The following SLC25A26 variants were observed in gnomAD, a reference collection of about 807,000 sequenced individuals.
SLC25A26 encodes solute carrier family 25 member 26, also known as mitochondrial S-adenosylmethionine carrier protein.
A neutral mutation model predicts 37.8 loss-of-function variants in SLC25A26; 36 were observed. The ratio of observed to expected loss-of-function variants is 0.95; its 90% CI spans 0.73 to 1.26. The LOEUF is 1.26. Among genes scored for constraint, SLC25A26 ranks in the 50% most tolerant of loss-of-function variants. SLC25A26 has a pLI of 0.00. For synonymous variants in SLC25A26, 129 were observed against 122.5 expected, an observed-to-expected ratio of 1.05 and a Z score of -0.35; for missense variants, 390 against 331.1, an observed-to-expected ratio of 1.18 and a Z score of -1.38.
At chr3:66,171,047 C>T (rs1358270173) in intron 1 of SLC25A26, among the ~76,000 whole-genome samples, 1 of 151,738 alleles carries the variant, frequency 6.6e-6, no homozygotes, top group East Asian at 1.9e-4. Flanking sequence ...TCGTGATCCG[C>T]CCGCCTCGGC....
At chr3:66,233,429 A>G (rs1389202706) in intron 1 of SLC25A26, among the ~76,000 whole-genome samples, 1 of 151,540 alleles carries the variant, frequency 6.6e-6, no homozygotes, top group Non-Finnish European at 1.5e-5. Flanking sequence ...TTTTCGGTAT[A>G]AGCTACCATA....
intron 5 of SLC25A26, among the ~76,000 whole-genome samples, chr3:66,299,862 A>G (rs2075021270): frequency 6.6e-6 from 1 of 152,104 alleles, no homozygotes; most frequent in Non-Finnish European, 1.5e-5. Flanking sequence ...TTTTCAGGGG[A>G]TGGTATCATA....
intron 5 of SLC25A26, among the ~76,000 whole-genome samples, chr3:66,325,619 T>G (rs2075817813): frequency 6.6e-6 from 1 of 152,040 alleles, no homozygotes; most frequent in East Asian, 1.9e-4. Context: ...GAATAGTAAG[T>G]AACTAGGTGA....
At chr3:66,278,671 A>G (rs2074237373) in intron 5 of SLC25A26, among the ~76,000 whole-genome samples, 1 of 152,108 alleles carries the variant, frequency 6.6e-6, no homozygotes, top group South Asian at 2.1e-4. Flanking sequence ...AGAAACTTTA[A>G]GTTATATATT....
intron 3 of SLC25A26, among the ~76,000 whole-genome samples, chr3:66,245,549 A>G (rs757870166): frequency 2.0e-5 from 3 of 152,054 alleles, no homozygotes; most frequent in Admixed American, 6.6e-5. Context: ...CTTTGTAATT[A>G]GAAAAGTAAT....
chr3:66,322,011 C>T (rs2107645613), intron 5 of SLC25A26, among the ~76,000 whole-genome samples: 1 of 152,204 alleles, frequency 6.6e-6, no homozygotes, highest in South Asian at 2.1e-4. Flanking sequence ...GCCCCCATGA[C>T]CCAAGTACCT....
chr3:66,248,386 A>G (rs1410741799), intron 3 of SLC25A26, among the ~76,000 whole-genome samples: 1 of 152,192 alleles, frequency 6.6e-6, no homozygotes, highest in Non-Finnish European at 1.5e-5. Context: ...TTTCCAGCTC[A>G]GTTTTCATCA....
At chr3:66,248,437 G>A (rs182780154) in intron 3 of SLC25A26, among the ~76,000 whole-genome samples, 1 of 152,282 alleles carries the variant, frequency 6.6e-6, no homozygotes, top group Admixed American at 6.5e-5. Flanking sequence ...TCTGTAATTA[G>A]ATCAAAGGTT....
At chr3:66,293,767 A>G (rs2074798898) in intron 5 of SLC25A26, among the ~76,000 whole-genome samples, 1 of 152,066 alleles carries the variant, frequency 6.6e-6, no homozygotes, top group African/African-American at 2.4e-5. Context: ...TATGTACCAC[A>G]TTTCCTTTAT....
intron 1 of SLC25A26, among the ~76,000 whole-genome samples, chr3:66,158,745 G>A (rs1299195366): frequency 3.9e-5 from 6 of 152,118 alleles, no homozygotes. Flanking sequence ...TTTGTAGAGG[G>A]GCAGAGGGAA....
intron 1 of SLC25A26, among the ~76,000 whole-genome samples, chr3:66,155,072 C>T (rs2070262956): frequency 6.6e-6 from 1 of 152,224 alleles, no homozygotes; most frequent in African/African-American, 2.4e-5. Flanking sequence ...TATGTCTCTT[C>T]TTGTCTTTAT....
intron 5 of SLC25A26, among the ~76,000 whole-genome samples, chr3:66,327,687 A>G (rs940554644): frequency 2.0e-5 from 3 of 152,000 alleles, no homozygotes; most frequent in Admixed American, 2.0e-4. Context: ...GGGTTGGATC[A>G]TTTGTTTTAA....
intron 5 of SLC25A26, among the ~76,000 whole-genome samples, chr3:66,317,787 T>C (rs560331636): frequency 1.4e-4 from 21 of 152,318 alleles, no homozygotes; most frequent in African/African-American, 5.1e-4. Flanking sequence ...ATCAGAGTTC[T>C]GTCCATAAAC....
intron 1 of SLC25A26, among the ~76,000 whole-genome samples, chr3:66,190,675 C>A (rs960780208): frequency 6.6e-6 from 1 of 152,110 alleles, no homozygotes; most frequent in African/African-American, 2.4e-5. Context: ...GTGATTGACC[C>A]GCCTCAGCCT....
rs890311002 is a variant in SLC25A26 at position 66,211,407 on chromosome 3, C to T, written c.-353-9335C>T. On this transcript the variant is annotated intron_variant, in intron 1 of 10. Coordinates refer to the SLC25A26 transcript ENST00000676754. ...AATGGCAAACAGCCTGAAAGTGGCA[C>T]GTAATCGTGAGGGAGCCGGTGAATG... Among the ~76,000 whole-genome samples the T allele has an allele frequency of 5.7e-3, 868 of 152,278 alleles. 15 individuals carry two copies. Among genetic ancestry groups the T allele is most frequent in the African/African-American group, 0.015 (618 of 41,564 alleles).
At chr3:66,245,262 AAAAAAC>A (rs1289149539) in intron 3 of SLC25A26, among the ~76,000 whole-genome samples, 3 of 151,762 alleles carry the variant, frequency 2.0e-5, no homozygotes, top group East Asian at 1.9e-4. Flanking sequence ...AAAAAAAAAA[AAAAAAC>A]AAAACCTCAA....
At chr3:66,171,005 G>A (rs369290631) in intron 1 of SLC25A26, among the ~76,000 whole-genome samples, 38 of 151,072 alleles carry the variant, frequency 2.5e-4, no homozygotes, top group African/African-American at 8.0e-4. Context: ...GGGTTTCACC[G>A]TTTTAGCCGG....
At chr3:66,291,908 C>T (rs2107512534) in intron 5 of SLC25A26, among the ~76,000 whole-genome samples, 1 of 152,304 alleles carries the variant, frequency 6.6e-6, no homozygotes, top group African/African-American at 2.4e-5. Context: ...GTGTTAAAGT[C>T]TCCCACTGTT....
intron 1 of SLC25A26, among the ~76,000 whole-genome samples, chr3:66,199,546 A>G (rs1486618054): frequency 1.3e-5 from 2 of 152,044 alleles, no homozygotes; most frequent in Non-Finnish European, 2.9e-5. Flanking sequence ...GGCACTGACA[A>G]CTATACTAAA....
Sources: allele counts gnomAD v4.1 joint callset (sites outside exome capture counted in the v4.1 genomes callset), GRCh38; gene constraint gnomAD v4.1.1; transcripts MANE v1.5; gene names NCBI Gene and HGNC (gene_info 2026-07-23, HGNC 2026-07-21).